CASZ1: variants seen among roughly 807,000 people sequenced by gnomAD.
CASZ1 encodes the protein castor zinc finger 1, also known as zinc finger protein castor homolog 1.
In CASZ1, 28 loss-of-function variants were observed where a neutral mutation model predicts 135.2. That is an observed-to-expected ratio of 0.21 (90% CI 0.15 to 0.28). The LOEUF is 0.28. CASZ1 is among the 10% of genes least tolerant of loss of function. The pLI, the probability that CASZ1 is intolerant of heterozygous loss-of-function variation, is 1.00. For missense variants in CASZ1, 2,161 were observed against 2,453.3 expected, an observed-to-expected ratio of 0.88 and a Z score of 2.52; for synonymous variants, 1,068 against 1,073.4, an observed-to-expected ratio of 0.99 and a Z score of 0.10.
chr1:10,753,435 C>T (rs1267523322), intron 2 of CASZ1, among the ~76,000 whole-genome samples: 2 of 152,222 alleles, frequency 1.3e-5, no homozygotes, highest in Non-Finnish European at 2.9e-5. Flanking sequence ...CACTGCACCC[C>T]GCAAAGTCAC....
Position 10,743,626 on chromosome 1 carries a change from AAGGAGGGAGGGAGTAGGTCTT to A in CASZ1, c.-77+17054_-77+17074del, listed in dbSNP as rs531735432. ...TGCCTTTTTTTTTTTCTATAAAAATAAGGAGGGAGGGAGTAGGTCTTATGACAGTCTCCAAAATGGGGGGGC... is the reference window on the plus strand; with the variant it reads ...TGCCTTTTTTTTTTTCTATAAAAATAATGACAGTCTCCAAAATGGGGGGGC... On this transcript the variant is annotated intron_variant, in intron 2 of 20. Transcript: ENST00000377022. Among the ~76,000 whole-genome samples, 104 of 135,552 alleles carry A rather than the reference AAGGAGGGAGGGAGTAGGTCTT, an allele frequency of 7.7e-4. 2 individuals are homozygous for A. Among genetic ancestry groups the A allele is most frequent in the African/African-American group, 3.0e-3 (100 of 33,124 alleles). The allele number at this position is 135,552 out of a possible 152,430, so 88.9% of individuals were successfully genotyped here.
At chr1:10,775,087 G>A (rs147403430) in intron 1 of CASZ1, among the ~76,000 whole-genome samples, 219 of 152,002 alleles carry the variant, frequency 1.4e-3, no homozygotes, top group Admixed American at 2.4e-3. Flanking sequence ...CAGGCAGTCG[G>A]CCAGAAAACC....
rs775226830 is a variant in CASZ1 at position 10,654,597 on chromosome 1, C to T, written c.1666-6G>A. On this transcript the variant is annotated splice_region_variant and splice_polypyrimidine_tract_variant and intron_variant, in intron 9 of 20. Transcript: ENST00000377022. ...TACACCTTGTTACAGCCCACCTGCA[C>T]AGGACGGGATGGTGGTCAGGCGAAC... is the stretch of plus-strand genomic sequence containing the variant. 1.2e-6 allele frequency: 2 copies of T among 1,613,846 alleles called. No homozygotes were observed. The highest frequency in any genetic ancestry group is 1.7e-6 in the Non-Finnish European group (2 of 1,179,778).
Position 10,725,118 on chromosome 1 carries a change from G to A in CASZ1, c.-76-19574C>T, listed in dbSNP as rs1639573588. Among the ~76,000 whole-genome samples, 1 of 152,176 alleles carries A rather than the reference G, an allele frequency of 6.6e-6. No homozygotes were observed. Among genetic ancestry groups the A allele is most frequent in the Non-Finnish European group, 1.5e-5 (1 of 68,014 alleles). On this transcript the variant is annotated intron_variant, in intron 2 of 20. Coordinates refer to ENST00000377022, the MANE Select transcript of CASZ1 (RefSeq NM_001079843.3). The surrounding 1 kb of genome is among the most constrained non-coding windows in gnomAD (Gnocchi z 4.4). ...GAGGGAGGGGGCTTGGGCTCCCCTC[G>A]GTGGGGGTAGGATTCCCTAGTTGGC...
Position 10,665,414 on chromosome 1 carries a change from T to G in CASZ1, c.174A>C (p.Pro58=). Residue 58 remains proline (P), a synonymous_variant, in exon 5 of 21, where the codon CCA becomes CCC. Coordinates refer to ENST00000377022, the MANE Select transcript of CASZ1 (RefSeq NM_001079843.3). ...TGCGCTCTTGGTCCCGGGGCTGCGA[T>G]GGGCTGCCCTCCGTGTGGGAGCCGG... The part of the protein sequence containing the change: ...ADAGSHTEGS[P]SQPRDQERSG... The G allele has an allele frequency of 2.5e-6, 4 of 1,612,736 alleles. No homozygotes were observed. Among genetic ancestry groups the G allele is most frequent in the African/African-American group, 1.3e-5 (1 of 75,064 alleles).
At position 10,755,325 on chromosome 1, in the gene CASZ1, G is replaced by A. The variant is rs558356184; in HGVS notation, c.-77+5376C>T. Among the ~76,000 whole-genome samples, 5 of 152,298 alleles carry A rather than the reference G, an allele frequency of 3.3e-5. No individual in the cohort carries two copies. Among genetic ancestry groups the A allele is most frequent in the Non-Finnish European group, 5.9e-5 (4 of 68,026 alleles). On this transcript the variant is annotated intron_variant, in intron 2 of 20. Coordinates refer to ENST00000377022, the MANE Select transcript of CASZ1 (RefSeq NM_001079843.3). This position sits in a 1 kb window ranked among gnomAD's most constrained non-coding sequence, Gnocchi z 4.3. ...AGAGGAGGAGCTTGAAGGTCTACAC[G>A]AGGAGATGATGCAGTCAGGACTCCG...
rs773222164 is a variant in CASZ1 at position 10,711,586 on chromosome 1, A to G, written c.-76-6042T>C. On this transcript the variant is annotated intron_variant, in intron 2 of 20. Transcript: ENST00000377022. The surrounding 1 kb of genome is among the most constrained non-coding windows in gnomAD (Gnocchi z 4.4). Reference sequence around the variant, plus strand: ...CAGAAAAAATGGAAAACAGGTACTCAAAAAAAAAAAAAAAAGAAAAACAAA... The same window carrying G: ...CAGAAAAAATGGAAAACAGGTACTCGAAAAAAAAAAAAAAAGAAAAACAAA... Among the ~76,000 whole-genome samples, 1 of 98,772 alleles carries G rather than the reference A, an allele frequency of 1.0e-5. No individual in the cohort carries two copies. The highest frequency in any genetic ancestry group is 9.3e-5 in the Admixed American group (1 of 10,724). The allele number at this position is 98,772 out of a possible 152,430, so 64.8% of individuals were successfully genotyped here.
rs760174926 is a variant in CASZ1, at chr1:10,639,550, C to T, written c.4672G>A (p.Ala1558Thr). Residue 1558 changes from alanine (A) to threonine (T), a missense_variant, in exon 21 of 21, where the codon GCC becomes ACC. Physicochemically the swap from Ala to Thr is moderately conservative, Grantham distance 58. Around this residue, in one of 7 missense-constraint regions of CASZ1, gnomAD observed 240 missense variants for 321.4 expected, o/e 0.75. Coordinates refer to ENST00000377022, the MANE Select transcript of CASZ1 (RefSeq NM_001079843.3). This position sits in a 1 kb window ranked among gnomAD's most constrained non-coding sequence, Gnocchi z 4.0. ...FCQFSSSADCAVPDCKYKLKC... is the reference protein window; with the variant it reads ...FCQFSSSADCTVPDCKYKLKC... ...AGCTTGTACTTGCAGTCGGGCACGG[C>T]GCAGTCGGCGCTGGAGCTGAACTGG... is the stretch of plus-strand genomic sequence containing the variant. The T allele has an allele frequency of 9.3e-6, 15 of 1,610,462 alleles. No homozygotes were observed. The highest frequency in any genetic ancestry group is 1.6e-4 in the Middle Eastern group (1 of 6,076).
intron 2 of CASZ1, among the ~76,000 whole-genome samples, chr1:10,716,222 ACACT>A (rs1639390258): frequency 1.0e-5 from 1 of 95,590 alleles, no homozygotes; most frequent in Admixed American, 1.1e-4. Flanking sequence ...CACCCAATCC[ACACT>A]CACAGCACCC....
intron 4 of CASZ1, among the ~76,000 whole-genome samples, chr1:10,673,300 G>A (rs1413282942): frequency 6.6e-6 from 1 of 152,208 alleles, no homozygotes; most frequent in East Asian, 1.9e-4. Flanking sequence ...TGGCGGAGAG[G>A]ATCAATTTCT....
At chr1:10,781,902 A>C (rs1640768929) in intron 1 of CASZ1, among the ~76,000 whole-genome samples, 1 of 152,130 alleles carries the variant, frequency 6.6e-6, no homozygotes, top group Non-Finnish European at 1.5e-5. Context: ...CAATAAGGAG[A>C]GACTAGGGAT....
chr1:10,786,214 G>C (rs545114910), intron 1 of CASZ1, among the ~76,000 whole-genome samples: 6 of 152,120 alleles, frequency 3.9e-5, no homozygotes, highest in Non-Finnish European at 8.8e-5. Flanking sequence ...CAGCTCCCAT[G>C]ATGACCCACC....
Position 10,709,390 on chromosome 1 carries a change from G to C in CASZ1, c.-76-3846C>G, listed in dbSNP as rs976168204. 4.6e-5 allele frequency among the ~76,000 whole-genome samples: 7 copies of C among 152,174 alleles called. No individual in the cohort carries two copies. Among genetic ancestry groups the C allele is most frequent in the African/African-American group, 1.7e-4 (7 of 41,444 alleles). ...CATGTCAGCCCGGCAGTGTGAGGAG[G>C]GGGGCGGCATAGACAACAGGGGCAG... is the stretch of plus-strand genomic sequence containing the variant. On this transcript the variant is annotated intron_variant, in intron 2 of 20. Coordinates refer to ENST00000377022, the MANE Select transcript of CASZ1 (RefSeq NM_001079843.3). This position sits in a 1 kb window ranked among gnomAD's most constrained non-coding sequence, Gnocchi z 5.1.
intron 5 of CASZ1, among the ~76,000 whole-genome samples, chr1:10,664,526 G>A (rs760755392): frequency 7.2e-5 from 11 of 152,244 alleles, no homozygotes; most frequent in East Asian, 1.9e-4. Flanking sequence ...GCCCTGAGAC[G>A]TCCTGCTGGG....
chr1:10,734,067 G>A (rs1215349004), intron 2 of CASZ1, among the ~76,000 whole-genome samples: 1 of 152,140 alleles, frequency 6.6e-6, no homozygotes, highest in Non-Finnish European at 1.5e-5. Flanking sequence ...CAGGAGGAGC[G>A]CTGGTACATC....
chr1:10,764,201 C>T (rs1312813436), intron 1 of CASZ1, among the ~76,000 whole-genome samples: 1 of 152,186 alleles, frequency 6.6e-6, no homozygotes, highest in Admixed American at 6.5e-5. Context: ...TTTAGCTCTT[C>T]CCAAGCCTCA....
chr1:10,754,771 C>T (rs1640217620), intron 2 of CASZ1, among the ~76,000 whole-genome samples: 1 of 152,206 alleles, frequency 6.6e-6, no homozygotes, highest in Non-Finnish European at 1.5e-5. Context: ...CTGGCAAACT[C>T]CTGGGCTCGG....
In CASZ1 at chr1:10,676,883, C is replaced by T. The variant is rs1411974203; in HGVS notation, c.17-11312G>A. ...CCTGGCAGCTGGCGGGTATCAAGGG[C>T]ATGCACTCTGTCCGGGCTGAACCCC... On this transcript the variant is annotated intron_variant, in intron 4 of 20. Coordinates refer to ENST00000377022, the MANE Select transcript of CASZ1 (RefSeq NM_001079843.3). The surrounding 1 kb of genome is among the most constrained non-coding windows in gnomAD (Gnocchi z 4.5). Among the ~76,000 whole-genome samples, 1 of 152,244 alleles carries T rather than the reference C, an allele frequency of 6.6e-6. No homozygotes were observed.
At chr1:10,671,008 G>A (rs1004712246) in intron 4 of CASZ1, among the ~76,000 whole-genome samples, 38 of 152,246 alleles carry the variant, frequency 2.5e-4, no homozygotes, top group African/African-American at 8.4e-4. Context: ...CGGGTCCCCT[G>A]GCCCTCAACA....
Sources: allele counts gnomAD v4.1 joint callset (sites outside exome capture counted in the v4.1 genomes callset), GRCh38; gene constraint gnomAD v4.1.1; regional missense constraint gnomAD v4.1.1; non-coding constraint Gnocchi (gnomAD v3.1); transcripts MANE v1.5; gene names NCBI Gene and HGNC (gene_info 2026-07-23, HGNC 2026-07-21).